TENM3: variants seen among roughly 807,000 people sequenced by gnomAD.
The protein encoded by TENM3 is teneurin-3.
A neutral mutation model predicts 255.1 loss-of-function variants in TENM3; 63 were observed. The ratio of observed to expected loss-of-function variants is 0.25; its 90% CI spans 0.20 to 0.30. The LOEUF is 0.30. Among genes scored for constraint, TENM3 ranks in the 10% least tolerant of loss-of-function variants. The pLI is 1.00. For missense variants in TENM3, 2,929 were observed against 3,461.1 expected, an observed-to-expected ratio of 0.85 and a Z score of 3.86; for synonymous variants, 1,306 against 1,322.3, an observed-to-expected ratio of 0.99 and a Z score of 0.27.
chr4:181,781,228 A>G, the TENM3 span, among the ~76,000 whole-genome samples: 1 of 152,136 alleles, frequency 6.6e-6, no homozygotes, highest in Non-Finnish European at 1.5e-5. Flanking sequence ...GGCCATTTTC[A>G]CAACATTGAT....
the TENM3 span, among the ~76,000 whole-genome samples, chr4:181,920,002 C>G: frequency 1.3e-5 from 2 of 149,482 alleles, no homozygotes; most frequent in South Asian, 4.3e-4. Context: ...TTTGTTCTTG[C>G]GATAGTTTAC....
At chr4:182,584,704 A>C (rs1377026153) in intron 3 of TENM3, among the ~76,000 whole-genome samples, 1 of 152,066 alleles carries the variant, frequency 6.6e-6, no homozygotes, top group Non-Finnish European at 1.5e-5. Flanking sequence ...CAGTGGTGCC[A>C]TCTCGGCTCA....
chr4:182,223,992 A>G (rs959988126), intron 1 of TENM3, among the ~76,000 whole-genome samples: 4 of 152,178 alleles, frequency 2.6e-5, no homozygotes, highest in Admixed American at 6.5e-5. Flanking sequence ...TTCCAAGATT[A>G]TCCTCTTTCA....
chr4:182,387,897 C>T lies in TENM3; in HGVS notation c.511+40968C>T, dbSNP rs1029226741. On this transcript the variant is annotated intron_variant, in intron 3 of 27. Transcript: ENST00000511685. Reference sequence around the variant, plus strand: ...AGTGAGACCAAGAACCCACCAATTCCGGACACAATAGGACTCTGGTTTCTA... The same window carrying T: ...AGTGAGACCAAGAACCCACCAATTCTGGACACAATAGGACTCTGGTTTCTA... Among the ~76,000 whole-genome samples, 7 of 149,208 alleles carry T rather than the reference C, an allele frequency of 4.7e-5. No homozygotes were observed. The South Asian group carries it at 6.4e-4, about 14-fold the overall frequency.
intron 1 of TENM3, among the ~76,000 whole-genome samples, chr4:182,246,637 G>A (rs943334823): frequency 2.6e-5 from 4 of 152,174 alleles, no homozygotes. Context: ...CGGTTTTATT[G>A]ACCTTAAACA....
intron 3 of TENM3, among the ~76,000 whole-genome samples, chr4:182,485,643 A>G (rs932857690): frequency 2.2e-4 from 24 of 108,128 alleles, no homozygotes; most frequent in African/African-American, 6.4e-4. Flanking sequence ...AGTGTGATGG[A>G]GTTTGATATG....
the TENM3 span, among the ~76,000 whole-genome samples, chr4:181,460,678 C>CTTTTTT: frequency 1.5e-5 from 2 of 136,862 alleles, 1 homozygote; most frequent in Non-Finnish European, 3.1e-5. Flanking sequence ...AGCTATAGTT[C>CTTTTTT]TTTTTTTTTT....
intron 23 of TENM3, among the ~76,000 whole-genome samples, chr4:182,774,113 C>T (rs552797544): frequency 6.6e-6 from 1 of 152,126 alleles, no homozygotes; most frequent in Non-Finnish European, 1.5e-5. Context: ...TTTTTCATTC[C>T]ATCTATAGTC....
the TENM3 span, among the ~76,000 whole-genome samples, chr4:181,882,140 G>C: frequency 3.3e-5 from 5 of 152,114 alleles, no homozygotes; most frequent in African/African-American, 1.2e-4. Context: ...TGCAGAGTTC[G>C]GCTGCAAGAC....
intron 3 of TENM3, among the ~76,000 whole-genome samples, chr4:182,366,424 T>C (rs1171104121): frequency 6.6e-6 from 1 of 151,938 alleles, no homozygotes; most frequent in African/African-American, 2.4e-5. Flanking sequence ...ACATTTACTA[T>C]ATATTATATA....
At chr4:182,046,857 C>T in the TENM3 span, among the ~76,000 whole-genome samples, 4 of 152,104 alleles carry the variant, frequency 2.6e-5, no homozygotes, top group Non-Finnish European at 5.9e-5. Context: ...ACTTTCAATC[C>T]CAAGACTTTT....
intron 3 of TENM3, among the ~76,000 whole-genome samples, chr4:182,462,355 G>A (rs1047851975): frequency 6.6e-6 from 1 of 151,892 alleles, no homozygotes; most frequent in Non-Finnish European, 1.5e-5. Flanking sequence ...CACTGCTCCC[G>A]GCCTAGGATC....
At chr4:182,631,987 A>G (rs1414066197) in intron 5 of TENM3, among the ~76,000 whole-genome samples, 5 of 152,060 alleles carry the variant, frequency 3.3e-5, no homozygotes, top group African/African-American at 4.8e-5. Flanking sequence ...TATTTTTTCT[A>G]TTTCTTCAAA....
At chr4:182,262,823 C>G (rs1461535855) in intron 1 of TENM3, among the ~76,000 whole-genome samples, 3 of 150,724 alleles carry the variant, frequency 2.0e-5, no homozygotes, top group African/African-American at 7.3e-5. Context: ...ACGCCATTCT[C>G]CTGCTTCAGC....
intron 3 of TENM3, among the ~76,000 whole-genome samples, chr4:182,469,536 G>A (rs904128615): frequency 2.0e-5 from 3 of 152,106 alleles, no homozygotes; most frequent in African/African-American, 7.2e-5. Flanking sequence ...CCAACATGGC[G>A]AAACCCTGTC....
At chr4:182,338,041 T>C (rs1382351205) in intron 2 of TENM3, among the ~76,000 whole-genome samples, 1 of 152,202 alleles carries the variant, frequency 6.6e-6, no homozygotes, top group South Asian at 2.1e-4. Context: ...GGTGGGTACA[T>C]TTGTTAAAAC....
chr4:182,265,680 A>T, intron 1 of TENM3, among the ~76,000 whole-genome samples: 1 of 152,224 alleles, frequency 6.6e-6, no homozygotes, highest in Non-Finnish European at 1.5e-5. Context: ...CAAATAAAAC[A>T]TCTTACAACT....
At chr4:182,279,515 C>T (rs961294885) in intron 1 of TENM3, among the ~76,000 whole-genome samples, 8 of 152,056 alleles carry the variant, frequency 5.3e-5, no homozygotes, top group Admixed American at 2.0e-4. Context: ...AACAAGCCAT[C>T]GTTGAAGTCT....
At chr4:181,670,967 T>C in the TENM3 span, among the ~76,000 whole-genome samples, 20 of 152,318 alleles carry the variant, frequency 1.3e-4, no homozygotes, top group East Asian at 3.7e-3. Flanking sequence ...ATCATTTCTT[T>C]CAATACTTCA....
Sources: allele counts gnomAD v4.1 joint callset (sites outside exome capture counted in the v4.1 genomes callset), GRCh38; gene constraint gnomAD v4.1.1; transcripts MANE v1.5; gene names NCBI Gene and HGNC (gene_info 2026-07-23, HGNC 2026-07-21).